The following CRADD variants were observed in gnomAD, a reference collection of about 807,000 sequenced individuals.
CRADD encodes death domain-containing protein CRADD.
A neutral mutation model predicts 15.5 loss-of-function variants in CRADD; 9 were observed. The observed-to-expected ratio is 0.58, with a 90% CI of 0.35 to 1.01. The LOEUF is 1.01. Ranked by LOEUF, CRADD falls within the 50% of genes least tolerant of loss-of-function variation. The pLI, the probability that CRADD is intolerant of heterozygous loss-of-function variation, is 0.02. For synonymous variants in CRADD, 118 were observed against 107.6 expected, an observed-to-expected ratio of 1.10 and a Z score of -0.60; for missense variants, 227 against 250.3, an observed-to-expected ratio of 0.91 and a Z score of 0.63.
intron 2 of CRADD, among the ~76,000 whole-genome samples, chr12:93,799,997 G>T (rs1357418308): frequency 2.0e-5 from 3 of 152,054 alleles, no homozygotes; most frequent in Non-Finnish European, 4.4e-5. Flanking sequence ...ACTGTATTAG[G>T]GTTCTCCAGA....
intron 2 of CRADD, among the ~76,000 whole-genome samples, chr12:93,823,582 C>T (rs148284099): frequency 6.6e-6 from 1 of 152,326 alleles, no homozygotes; most frequent in East Asian, 1.9e-4. Context: ...GTTCTTCCAG[C>T]CAAAGAATGT....
At chr12:93,798,250 G>T (rs1434619090) in intron 2 of CRADD, among the ~76,000 whole-genome samples, 2 of 152,090 alleles carry the variant, frequency 1.3e-5, no homozygotes. Flanking sequence ...TCTGTATTTT[G>T]TGAATCCCCA....
At chr12:93,713,833 C>T (rs746709529) in intron 2 of CRADD, among the ~76,000 whole-genome samples, 15 of 152,096 alleles carry the variant, frequency 9.9e-5, no homozygotes, top group Non-Finnish European at 7.4e-5. Flanking sequence ...TATTGGGTTA[C>T]ATAAAATATA....
intron 2 of CRADD, among the ~76,000 whole-genome samples, chr12:93,801,692 C>A (rs1181994546): frequency 6.6e-6 from 1 of 152,204 alleles, no homozygotes; most frequent in Non-Finnish European, 1.5e-5. Context: ...AGCCACAGTG[C>A]CTGGCCTTTA....
At chr12:93,869,749 C>T (rs934769319) in intron 2 of CRADD, among the ~76,000 whole-genome samples, 1 of 152,016 alleles carries the variant, frequency 6.6e-6, no homozygotes, top group Non-Finnish European at 1.5e-5. Context: ...CAAAAATCAC[C>T]AACTAAAGGA....
At chr12:93,825,960 A>G (rs1957818995) in intron 2 of CRADD, among the ~76,000 whole-genome samples, 1 of 152,238 alleles carries the variant, frequency 6.6e-6, no homozygotes, top group Non-Finnish European at 1.5e-5. Context: ...AGAATCTGAC[A>G]AGTATTTTTG....
intron 2 of CRADD, among the ~76,000 whole-genome samples, chr12:93,794,716 C>G (rs1475616239): frequency 2.0e-5 from 3 of 152,184 alleles, no homozygotes; most frequent in Non-Finnish European, 2.9e-5. Context: ...AAGTGCCACT[C>G]CCCCACTTAA....
At chr12:93,690,283 A>G (rs547060668) in intron 2 of CRADD, among the ~76,000 whole-genome samples, 1 of 152,332 alleles carries the variant, frequency 6.6e-6, no homozygotes, top group African/African-American at 2.4e-5. Flanking sequence ...TTGAAGCAAG[A>G]GTTGTCTACT....
At chr12:93,780,368 A>C (rs1957191803) in intron 2 of CRADD, among the ~76,000 whole-genome samples, 1 of 152,198 alleles carries the variant, frequency 6.6e-6, no homozygotes, top group Non-Finnish European at 1.5e-5. Flanking sequence ...TTGCTTTTTA[A>C]AGTACTTACT....
chr12:93,726,486 T>A (rs56987049), intron 2 of CRADD, among the ~76,000 whole-genome samples: 3,695 of 152,266 alleles, frequency 0.024, 140 homozygotes, highest in African/African-American at 0.084. Flanking sequence ...GCCATAAATG[T>A]ATTTTTACAT....
chr12:93,788,427 G>T (rs1957305967), intron 2 of CRADD, among the ~76,000 whole-genome samples: 1 of 152,098 alleles, frequency 6.6e-6, no homozygotes, highest in Non-Finnish European at 1.5e-5. Context: ...ATGAGATTTG[G>T]GTGGGGACAC....
intron 2 of CRADD, among the ~76,000 whole-genome samples, chr12:93,742,458 C>G (rs559956905): frequency 4.1e-4 from 62 of 151,028 alleles, no homozygotes; most frequent in African/African-American, 1.5e-3. Context: ...CCTCTGCGGG[C>G]CCCGGCTGCC....
intron 2 of CRADD, among the ~76,000 whole-genome samples, chr12:93,779,144 G>T (rs911238560): frequency 9.9e-5 from 15 of 152,128 alleles, no homozygotes; most frequent in African/African-American, 3.4e-4. Flanking sequence ...CATTGATGAG[G>T]ACTTTAATTC....
At chr12:93,861,834 C>G (rs1593050617) in intron 2 of CRADD, among the ~76,000 whole-genome samples, 1 of 152,224 alleles carries the variant, frequency 6.6e-6, no homozygotes, top group Non-Finnish European at 1.5e-5. Flanking sequence ...CATTTTCTTT[C>G]TTTTTTGAAG....
intron 2 of CRADD, among the ~76,000 whole-genome samples, chr12:93,830,782 C>G (rs1342549995): frequency 2.0e-5 from 3 of 152,166 alleles, no homozygotes; most frequent in African/African-American, 7.2e-5. Context: ...TTGACTTTAT[C>G]TCCTTCATTG....
downstream of CRADD, among the ~76,000 whole-genome samples, chr12:93,852,699 G>A (rs985850401): frequency 1.3e-5 from 2 of 152,184 alleles, no homozygotes; most frequent in Admixed American, 6.5e-5. Context: ...GTGTTTGTAT[G>A]GGAGAAGATT....
At chr12:93,847,260 C>A (rs1024681314) in intron 2 of CRADD, among the ~76,000 whole-genome samples, 1 of 151,874 alleles carries the variant, frequency 6.6e-6, no homozygotes, top group African/African-American at 2.4e-5. Flanking sequence ...TCCACATCAG[C>A]AACCCCTACC....
intron 2 of CRADD, among the ~76,000 whole-genome samples, chr12:93,841,470 T>C (rs1163756444): frequency 6.6e-6 from 1 of 152,208 alleles, no homozygotes; most frequent in East Asian, 1.9e-4. Flanking sequence ...TCCATGAACA[T>C]TTGATGGAGC....
chr12:93,738,055 G>A (rs188799463), intron 2 of CRADD: 6 of 465,754 alleles, frequency 1.3e-5, no homozygotes, highest in Non-Finnish European at 2.2e-5. Context: ...TCATAAACAG[G>A]TCCCTTTCTA....
Sources: gnomAD v4.1 joint callset for allele counts (sites outside exome capture counted in the v4.1 genomes callset) on GRCh38, gnomAD v4.1.1 for gene constraint, MANE v1.5 for transcripts, NCBI Gene and HGNC (gene_info 2026-07-23, HGNC 2026-07-21) for gene names.